Variants in GALNTL6 observed in about 807,000 individuals in gnomAD.
GALNTL6 encodes polypeptide N-acetylgalactosaminyltransferase-like 6.
In GALNTL6, 46 loss-of-function variants were observed where a neutral mutation model predicts 73.7. That is an observed-to-expected ratio of 0.62 (90% CI 0.49 to 0.80). GALNTL6 has a LOEUF of 0.80. Among genes scored for constraint, GALNTL6 ranks in the 30% least tolerant of loss-of-function variants. The pLI is 0.00. For missense variants in GALNTL6, 604 were observed against 755.0 expected (o/e 0.80, Z 2.34); for synonymous variants, 259 against 263.7 (o/e 0.98, Z 0.17).
intron 3 of GALNTL6, among the ~76,000 whole-genome samples, chr4:172,254,246 C>T (rs1737992556): frequency 6.6e-6 from 1 of 151,554 alleles, no homozygotes; most frequent in Admixed American, 6.6e-5. Flanking sequence ...ATGAGAAGTG[C>T]CAAAATTAGA....
chr4:172,225,199 G>T (rs531937278), intron 2 of GALNTL6, among the ~76,000 whole-genome samples: 1 of 152,076 alleles, frequency 6.6e-6, no homozygotes, highest in South Asian at 2.1e-4. Context: ...AATGGGTCTG[G>T]GCGCTGGAGA....
chr4:172,694,460 G>A (rs1320467580), intron 5 of GALNTL6, among the ~76,000 whole-genome samples: 4 of 152,150 alleles, frequency 2.6e-5, no homozygotes, highest in Non-Finnish European at 5.9e-5. Context: ...CCTTGTCCCT[G>A]CAAAGGACAT....
At chr4:172,237,944 A>G (rs1289343407) in intron 3 of GALNTL6, among the ~76,000 whole-genome samples, 3 of 151,966 alleles carry the variant, frequency 2.0e-5, no homozygotes, top group Non-Finnish European at 2.9e-5. Flanking sequence ...CCATTGGTCT[A>G]TGTGTCTATT....
intron 5 of GALNTL6, among the ~76,000 whole-genome samples, chr4:172,761,669 T>TTCTCTCTCTCTCTCTCTCTC (rs33989573): frequency 7.3e-4 from 107 of 147,274 alleles, no homozygotes; most frequent in African/African-American, 2.2e-3. Context: ...CTTGCTCTCT[T>TTCTCTCTCTCTCTCTCTCTC]TCTCTCTCTC....
chr4:172,577,740 C>G (rs1737012462), intron 5 of GALNTL6, among the ~76,000 whole-genome samples: 2 of 152,078 alleles, frequency 1.3e-5, no homozygotes, highest in African/African-American at 2.4e-5. Context: ...TTCACAAGAC[C>G]CCATGAGAAG....
At chr4:172,224,573 A>AT (rs1221532820) in intron 2 of GALNTL6, among the ~76,000 whole-genome samples, 2 of 152,194 alleles carry the variant, frequency 1.3e-5, no homozygotes, top group African/African-American at 4.8e-5. Flanking sequence ...TAACTTAGAG[A>AT]TAAAGAAACA....
chr4:172,755,295 A>G (rs1316833684), intron 5 of GALNTL6, among the ~76,000 whole-genome samples: 6 of 149,168 alleles, frequency 4.0e-5, no homozygotes, highest in Non-Finnish European at 6.0e-5. Flanking sequence ...ATGCTTTTAC[A>G]AAATACAAAC....
At chr4:172,831,673 G>A (rs1007534175) in intron 7 of GALNTL6, among the ~76,000 whole-genome samples, 1 of 152,188 alleles carries the variant, frequency 6.6e-6, no homozygotes, top group Non-Finnish European at 1.5e-5. Context: ...TATGACCTAA[G>A]TGTTTGTATC....
intron 2 of GALNTL6, among the ~76,000 whole-genome samples, chr4:171,960,734 T>C: frequency 6.8e-6 from 1 of 147,494 alleles, no homozygotes; most frequent in Admixed American, 6.7e-5. Flanking sequence ...ACCAGCAGGA[T>C]TTTTAGAACC....
intron 3 of GALNTL6, among the ~76,000 whole-genome samples, chr4:172,246,996 C>T (rs1263967487): frequency 6.6e-6 from 1 of 152,018 alleles, no homozygotes; most frequent in Non-Finnish European, 1.5e-5. Flanking sequence ...ACATTTATAA[C>T]ACATGTGATC....
At chr4:171,889,513 G>C (rs1293735060) in intron 2 of GALNTL6, among the ~76,000 whole-genome samples, 1 of 152,044 alleles carries the variant, frequency 6.6e-6, no homozygotes, top group African/African-American at 2.4e-5. Context: ...TCTAGGCTGA[G>C]TCTATAAGAA....
intron 5 of GALNTL6, among the ~76,000 whole-genome samples, chr4:172,690,938 G>A (rs1437834): frequency 0.43 from 64,809 of 152,032 alleles, 16,045 homozygotes; most frequent in East Asian, 0.68. Context: ...AGGGAGTATT[G>A]TAGAAATACA....
intron 5 of GALNTL6, among the ~76,000 whole-genome samples, chr4:172,534,849 A>G (rs907261732): frequency 6.6e-6 from 1 of 152,202 alleles, no homozygotes; most frequent in African/African-American, 2.4e-5. Context: ...TACAGGCGTG[A>G]GCCACCGTGC....
At chr4:171,939,104 C>A (rs1215747851) in intron 2 of GALNTL6, among the ~76,000 whole-genome samples, 11 of 136,186 alleles carry the variant, frequency 8.1e-5, no homozygotes, top group Admixed American at 5.8e-4. Flanking sequence ...AAAAAAAAAA[C>A]AATTAAATCT....
intron 3 of GALNTL6, among the ~76,000 whole-genome samples, chr4:172,276,502 T>C (rs1459909550): frequency 2.0e-5 from 3 of 152,360 alleles, no homozygotes; most frequent in African/African-American, 7.2e-5. Flanking sequence ...ATGCCATGTT[T>C]CTAACCCTGT....
At chr4:172,839,335 T>C (rs1045308823) in intron 7 of GALNTL6, among the ~76,000 whole-genome samples, 41 of 152,238 alleles carry the variant, frequency 2.7e-4, no homozygotes, top group African/African-American at 8.9e-4. Flanking sequence ...TAAATCTATG[T>C]AATGACAGTT....
At chr4:172,001,744 C>T (rs1352378515) in intron 2 of GALNTL6, among the ~76,000 whole-genome samples, 5 of 152,076 alleles carry the variant, frequency 3.3e-5, no homozygotes, top group African/African-American at 7.2e-5. Flanking sequence ...TCTTCTTACT[C>T]GTAAGATAAA....
At chr4:171,817,673 C>A (rs1734556849) in intron 2 of GALNTL6, among the ~76,000 whole-genome samples, 1 of 151,468 alleles carries the variant, frequency 6.6e-6, no homozygotes, top group African/African-American at 2.4e-5. Flanking sequence ...ATTTTAAAAT[C>A]TTCTGCATTT....
At chr4:172,779,928 G>C (rs1739288518) in intron 5 of GALNTL6, among the ~76,000 whole-genome samples, 1 of 152,106 alleles carries the variant, frequency 6.6e-6, no homozygotes, top group African/African-American at 2.4e-5. Flanking sequence ...AGGAAATGTG[G>C]GAGACATATA....
Sources: allele counts gnomAD v4.1 joint callset (sites outside exome capture counted in the v4.1 genomes callset), GRCh38; gene constraint gnomAD v4.1.1; transcripts MANE v1.5; gene names NCBI Gene and HGNC (gene_info 2026-07-23, HGNC 2026-07-21).